SCOC: variants seen among roughly 807,000 people sequenced by gnomAD.
SCOC encodes short coiled-coil protein.
SCOC carries 7 observed loss-of-function variants against 9.9 expected under a neutral mutation model. That is an observed-to-expected ratio of 0.71 (90% confidence interval 0.40 to 1.33). SCOC has a LOEUF of 1.33. Ranked by LOEUF, SCOC falls within the 40% of genes most tolerant of loss-of-function variation. SCOC has a pLI of 0.01. For synonymous variants in SCOC, 19 were observed against 28.2 expected (o/e 0.67, Z 1.03); for missense variants, 66 against 89.7 (o/e 0.74, Z 1.07).
chr4:140,262,963 C>T (rs776491764), intron 1 of SCOC, among the ~76,000 whole-genome samples: 2 of 152,058 alleles, frequency 1.3e-5, no homozygotes, highest in South Asian at 2.1e-4. Context: ...CCTGCCAGGC[C>T]CCCCCTCCAA....
At chr4:140,306,916 C>A (rs1036777089) in intron 1 of SCOC, among the ~76,000 whole-genome samples, 6 of 152,182 alleles carry the variant, frequency 3.9e-5, no homozygotes, top group African/African-American at 1.4e-4. Context: ...TATTTGGGAG[C>A]AAGTTCTTCT....
intron 1 of SCOC, among the ~76,000 whole-genome samples, chr4:140,329,633 G>A (rs1732751175): frequency 6.6e-6 from 1 of 152,018 alleles, no homozygotes; most frequent in Admixed American, 6.6e-5. Context: ...TCAAAAAGTG[G>A]GCTAAGGACA....
At chr4:140,316,596 G>T (rs1732326304) in intron 1 of SCOC, among the ~76,000 whole-genome samples, 1 of 152,142 alleles carries the variant, frequency 6.6e-6, no homozygotes, top group Non-Finnish European at 1.5e-5. Context: ...GTGGAAAAAG[G>T]GAGTGAGTGT....
intron 2 of SCOC, among the ~76,000 whole-genome samples, chr4:140,347,688 C>T (rs548417868): frequency 6.6e-6 from 1 of 152,296 alleles, no homozygotes; most frequent in South Asian, 2.1e-4. Context: ...ATTCAAACAC[C>T]TTCAGGGCCA....
At chr4:140,337,614 G>A (rs1415780652) in intron 1 of SCOC, among the ~76,000 whole-genome samples, 1 of 151,954 alleles carries the variant, frequency 6.6e-6, no homozygotes, top group South Asian at 2.1e-4. Flanking sequence ...AATGATAAAG[G>A]GGATATCACC....
intron 1 of SCOC, among the ~76,000 whole-genome samples, chr4:140,274,369 G>GT (rs986652309): frequency 8.5e-5 from 13 of 152,170 alleles, no homozygotes; most frequent in Admixed American, 1.3e-4. Flanking sequence ...TTTCTAGGTG[G>GT]TTTTTTATTT....
At chr4:140,354,450 T>C (rs1727117986) in intron 2 of SCOC, among the ~76,000 whole-genome samples, 1 of 151,944 alleles carries the variant, frequency 6.6e-6, no homozygotes, top group South Asian at 2.1e-4. Context: ...AAATATTTAG[T>C]GATCGTCCAC....
intron 1 of SCOC, among the ~76,000 whole-genome samples, chr4:140,376,062 A>T (rs1050606497): frequency 1.3e-5 from 2 of 152,242 alleles, no homozygotes; most frequent in African/African-American, 4.8e-5. Flanking sequence ...TGTTATAGCA[A>T]CTATAGGTAA....
At chr4:140,373,962 C>T (rs1578881054) in intron 1 of SCOC, 2 of 673,686 alleles carry the variant, frequency 3.0e-6, no homozygotes, top group African/African-American at 1.8e-5. Context: ...GGGAGAGGGA[C>T]CTCTCGCGGT....
chr4:140,293,063 T>C (rs1055313764), intron 1 of SCOC, among the ~76,000 whole-genome samples: 2 of 152,228 alleles, frequency 1.3e-5, no homozygotes, highest in African/African-American at 4.8e-5. Context: ...ACGATTCCCC[T>C]GTAGAACACT....
intron 1 of SCOC, among the ~76,000 whole-genome samples, chr4:140,275,949 G>C (rs909382189): frequency 6.7e-6 from 1 of 150,138 alleles, no homozygotes; most frequent in Non-Finnish European, 1.5e-5. Flanking sequence ...TCAGCCTCCC[G>C]AGTGCTTGGG....
At chr4:140,326,492 G>C (rs569296013) in intron 1 of SCOC, among the ~76,000 whole-genome samples, 2 of 152,200 alleles carry the variant, frequency 1.3e-5, no homozygotes, top group African/African-American at 4.8e-5. Flanking sequence ...ATAGTGGCAT[G>C]ACTTCAAAAA....
intron 1 of SCOC, among the ~76,000 whole-genome samples, chr4:140,260,544 G>A (rs1038579890): frequency 3.3e-5 from 5 of 152,126 alleles, no homozygotes; most frequent in African/African-American, 9.7e-5. Context: ...AATTCCTCAG[G>A]TATTTTGGGC....
intron 1 of SCOC, among the ~76,000 whole-genome samples, chr4:140,309,519 C>T (rs1427562591): frequency 6.6e-6 from 1 of 152,142 alleles, no homozygotes; most frequent in Non-Finnish European, 1.5e-5. Flanking sequence ...CTGGCCACCT[C>T]CCAGGCACAT....
intron 1 of SCOC, among the ~76,000 whole-genome samples, chr4:140,304,475 A>G (rs1731906837): frequency 6.6e-6 from 1 of 152,168 alleles, no homozygotes; most frequent in African/African-American, 2.4e-5. Context: ...GAAATTTTAA[A>G]CTTGGGATTA....
rs1361181040 is a variant in SCOC, at chr4:140,385,166, A to T, written c.*4062A>T. 1 of 152,184 alleles carries T rather than the reference A, an allele frequency of 6.6e-6. No homozygotes were observed. Among genetic ancestry groups the T allele is most frequent in the Non-Finnish European group, 1.5e-5 (1 of 68,030 alleles). 9.4% of individuals were successfully genotyped at this position (152,184 alleles called of 1,614,324 possible). Reference sequence around the variant, plus strand: ...ATTCTATGCAAAATGTGTCCTCTTTATAGTCCCTTTGGACTCACAGCAGGT... The same window carrying T: ...ATTCTATGCAAAATGTGTCCTCTTTTTAGTCCCTTTGGACTCACAGCAGGT... On this transcript the variant is annotated 3_prime_UTR_variant, in exon 4 of 4. Transcript: ENST00000608372.
intron 1 of SCOC, among the ~76,000 whole-genome samples, chr4:140,261,151 C>T (rs1276685203): frequency 2.0e-5 from 3 of 152,156 alleles, no homozygotes; most frequent in African/African-American, 7.2e-5. Context: ...GTGGTGATGA[C>T]CTATTACCTT....
intron 1 of SCOC, among the ~76,000 whole-genome samples, chr4:140,313,995 G>C (rs1007165425): frequency 5.9e-5 from 9 of 151,992 alleles, no homozygotes; most frequent in Admixed American, 5.9e-4. Flanking sequence ...CGGGTGTGGT[G>C]GCACTCGCCT....
intron 1 of SCOC, chr4:140,374,384 C>G: frequency 3.2e-6 from 1 of 316,616 alleles, no homozygotes; most frequent in Non-Finnish European, 6.2e-6. Context: ...GATGCCATTC[C>G]AGGTTGCCAA....
Sources: allele counts gnomAD v4.1 joint callset (sites outside exome capture counted in the v4.1 genomes callset), GRCh38; gene constraint gnomAD v4.1.1; transcripts MANE v1.5; gene names NCBI Gene and HGNC (gene_info 2026-07-23, HGNC 2026-07-21).